CACNA1E: variants seen among roughly 807,000 people sequenced by gnomAD.
CACNA1E encodes voltage-dependent R-type calcium channel subunit alpha-1E.
In CACNA1E, 40 loss-of-function variants were observed where a neutral mutation model predicts 259.2. The ratio of observed to expected loss-of-function variants is 0.15; its 90% CI spans 0.12 to 0.20. CACNA1E has a LOEUF of 0.20. CACNA1E is among the 10% of genes least tolerant of loss of function. The pLI, the probability that CACNA1E is intolerant of heterozygous loss-of-function variation, is 1.00. For synonymous variants in CACNA1E, 1,104 were observed against 1,138.5 expected, an observed-to-expected ratio of 0.97 and a Z score of 0.61; for missense variants, 1,874 against 3,040.1, an observed-to-expected ratio of 0.62 and a Z score of 9.02.
intron 7 of CACNA1E, among the ~76,000 whole-genome samples, chr1:181,695,838 C>G (rs2102346758): frequency 6.6e-6 from 1 of 152,186 alleles, no homozygotes; most frequent in South Asian, 2.1e-4. Flanking sequence ...GCCTGTAGTC[C>G]CAGCTACTCG....
intron 3 of CACNA1E, among the ~76,000 whole-genome samples, chr1:181,567,935 G>T (rs987799797): frequency 3.3e-5 from 5 of 151,878 alleles, no homozygotes; most frequent in Admixed American, 3.3e-4. Flanking sequence ...TTTTATGTAT[G>T]TGTGTATATA....
At chr1:181,714,459 C>T (rs543691296) in intron 8 of CACNA1E, among the ~76,000 whole-genome samples, 1 of 152,236 alleles carries the variant, frequency 6.6e-6, no homozygotes, top group African/African-American at 2.4e-5. Context: ...TTAGCATGCC[C>T]ATCATTACAT....
chr1:181,529,752 A>G lies in CACNA1E; in HGVS notation c.512+18242A>G, dbSNP rs149280284. ...CCCTGCAACACCTTTGTTTTGGCCA[A>G]TTTTTCCCATTTGGAATGGCTGTAT... On this transcript the variant is annotated intron_variant, in intron 3 of 47. Transcript: ENST00000367573. Among the ~76,000 whole-genome samples, 1,239 of 152,144 alleles carry G rather than the reference A, an allele frequency of 8.1e-3. 21 individuals are homozygous for G. The highest frequency in any genetic ancestry group is 0.024 in the African/African-American group (1,013 of 41,500).
chr1:181,692,951 CA>C (rs1417265916), intron 7 of CACNA1E, among the ~76,000 whole-genome samples: 2 of 151,224 alleles, frequency 1.3e-5, no homozygotes, highest in Middle Eastern at 3.2e-3. Context: ...ATTCAACAAG[CA>C]AAAAACAAAC....
At chr1:181,763,928 TG>T (rs1402732848) in intron 34 of CACNA1E, among the ~76,000 whole-genome samples, 1 of 152,238 alleles carries the variant, frequency 6.6e-6, no homozygotes, top group East Asian at 1.9e-4. Flanking sequence ...TTTGGGTGTT[TG>T]TTTTTATTTC....
chr1:181,598,336 A>G (rs1405104140), intron 6 of CACNA1E, among the ~76,000 whole-genome samples: 9 of 152,134 alleles, frequency 5.9e-5, no homozygotes. Flanking sequence ...TTTGAGCATT[A>G]TGGACCCATT....
At chr1:181,612,948 T>A (rs775647135) in intron 6 of CACNA1E, among the ~76,000 whole-genome samples, 1 of 151,676 alleles carries the variant, frequency 6.6e-6, no homozygotes, top group Non-Finnish European at 1.5e-5. Context: ...GGAGTTAAGA[T>A]TTATTTTTTT....
At chr1:181,733,894 C>T (rs1029867396) in intron 21 of CACNA1E, 144 bp downstream of exon 21, 1 of 590,922 alleles carries the variant, frequency 1.7e-6, no homozygotes, top group Non-Finnish European at 2.7e-6. Context: ...GGTTTTCTCC[C>T]AGTGTGCAGA....
At chr1:181,545,767 C>T (rs1311846082) in intron 3 of CACNA1E, among the ~76,000 whole-genome samples, 1 of 152,190 alleles carries the variant, frequency 6.6e-6, no homozygotes, top group Non-Finnish European at 1.5e-5. Context: ...TCTTTTCCCT[C>T]ATAGCTTTCA....
intron 6 of CACNA1E, among the ~76,000 whole-genome samples, chr1:181,613,200 G>T (rs1654903507): frequency 6.6e-6 from 1 of 152,018 alleles, no homozygotes; most frequent in African/African-American, 2.4e-5. Context: ...TTTCAGGTTT[G>T]TCTTGGTTAT....
chr1:181,715,292 A>T (rs375021294), intron 8 of CACNA1E, 46 bp from the exon 9 acceptor site: 13 of 1,175,994 alleles, frequency 1.1e-5, no homozygotes, highest in Non-Finnish European at 1.6e-5. Flanking sequence ...TTGCAGAATA[A>T]TTTGGCATTT....
intron 1 of CACNA1E, among the ~76,000 whole-genome samples, chr1:181,505,745 A>G (rs1018374979): frequency 1.2e-4 from 18 of 151,834 alleles, no homozygotes; most frequent in African/African-American, 4.4e-4. Flanking sequence ...TAAATAGGTC[A>G]TGTGTGTCTA....
intron 3 of CACNA1E, among the ~76,000 whole-genome samples, chr1:181,540,329 G>A (rs920304335): frequency 6.6e-6 from 1 of 152,072 alleles, no homozygotes; most frequent in South Asian, 2.1e-4. Flanking sequence ...TGTGCTCTAT[G>A]GCAACATGGT....
In CACNA1E at chr1:181,576,739, G is replaced by T. The variant is rs546717769; in HGVS notation, c.513-1027G>T. Among the ~76,000 whole-genome samples the T allele has an allele frequency of 6.6e-5, 10 of 152,294 alleles. No individual in the cohort carries two copies. The South Asian group carries it at 1.9e-3, about 28-fold the overall frequency. The stretch of plus-strand genomic sequence containing the variant: ...TTCCTTTCATTCTTCACAGAAAGAA[G>T]AATAAAATGAGCAAGTTTTAAATTA... On this transcript the variant is annotated intron_variant, in intron 3 of 47. Transcript: ENST00000367573.
chr1:181,777,934 C>T (rs1660106512), intron 38 of CACNA1E, among the ~76,000 whole-genome samples: 2 of 152,172 alleles, frequency 1.3e-5, no homozygotes, highest in Non-Finnish European at 2.9e-5. Flanking sequence ...CCTTGGCTTC[C>T]AGAAACCCCA....
rs1482482236 is a variant in CACNA1E at position 181,799,632 on chromosome 1, G to A, written c.*798G>A. ...TCCCCCAGGGTCCACAAAGGTGCCT[G>A]AGGCTCTGGTAAGGGTGAAGATAAA... On this transcript the variant is annotated 3_prime_UTR_variant, in exon 48 of 48. Coordinates refer to ENST00000367573, the MANE Select transcript of CACNA1E (RefSeq NM_001205293.3). The A allele has an allele frequency of 6.6e-6, 1 of 152,598 alleles. No individual in the cohort carries two copies. The highest frequency in any genetic ancestry group is 2.4e-5 in the African/African-American group (1 of 41,474). The allele number at this position is 152,598 out of a possible 1,614,324, so 9.5% of individuals were successfully genotyped here. A position where few individuals can be genotyped will look rare whatever the true frequency, so the allele number is the denominator to read the frequency against.
intron 32 of CACNA1E, among the ~76,000 whole-genome samples, chr1:181,762,349 T>C (rs1284964896): frequency 6.6e-6 from 1 of 152,226 alleles, no homozygotes; most frequent in Non-Finnish European, 1.5e-5. Context: ...AGTCTTCAAA[T>C]AGTGATAGAA....
At chr1:181,650,628 T>G (rs1658671216) in intron 6 of CACNA1E, among the ~76,000 whole-genome samples, 1 of 152,248 alleles carries the variant, frequency 6.6e-6, no homozygotes, top group Admixed American at 6.5e-5. Flanking sequence ...TGAGATATAA[T>G]TCTTCCTCAA....
In CACNA1E at chr1:181,579,112, A is replaced by G; in HGVS notation, c.657A>G (p.Val219=). The change falls in exon 5 of 48, where the codon GTA becomes GTG. Residue 219 remains valine, a synonymous_variant. Transcript: ENST00000367573. ...TGAAGTCCATCATGAAGGCCATGGT[A>G]CCTCTTCTGCAGATTGGCCTTCTGC... ...IVLKSIMKAM[V]PLLQIGLLLF... 2 of 1,613,240 alleles carry G rather than the reference A, an allele frequency of 1.2e-6. No individual in the cohort carries two copies. The highest frequency in any genetic ancestry group is 1.7e-6 in the Non-Finnish European group (2 of 1,179,446).
Sources: gnomAD v4.1 joint callset for allele counts (sites outside exome capture counted in the v4.1 genomes callset) on GRCh38, gnomAD v4.1.1 for gene constraint, MANE v1.5 for transcripts, NCBI Gene and HGNC (gene_info 2026-07-23, HGNC 2026-07-21) for gene names.